The following NRXN3 variants were observed in gnomAD, a reference collection of about 807,000 sequenced individuals.
NRXN3 encodes the protein neurexin III.
A neutral mutation model predicts 137.6 loss-of-function variants in NRXN3; 32 were observed. That is an observed-to-expected ratio of 0.23 (90% confidence interval 0.18 to 0.31). NRXN3 has a LOEUF of 0.31. Among genes scored for constraint, NRXN3 ranks in the 10% least tolerant of loss-of-function variants. NRXN3 has a pLI of 1.00. For synonymous variants in NRXN3, 798 were observed against 784.5 expected (o/e 1.02, Z -0.29); for missense variants, 1,574 against 2,062.5 (o/e 0.76, Z 4.59).
chr14:79,285,502 C>G (rs920052090), intron 15 of NRXN3, among the ~76,000 whole-genome samples: 1 of 152,254 alleles, frequency 6.6e-6, no homozygotes, highest in Non-Finnish European at 1.5e-5. Context: ...TTGCTCAAGG[C>G]TCTGTAGAGT....
At chr14:78,765,821 C>T (rs1300596992) in intron 8 of NRXN3, among the ~76,000 whole-genome samples, 3 of 152,070 alleles carry the variant, frequency 2.0e-5, no homozygotes, top group African/African-American at 7.2e-5. Flanking sequence ...TGGCTAAGGC[C>T]ACCTGGATTT....
chr14:78,928,230 AC>A (rs1293421728), intron 10 of NRXN3, among the ~76,000 whole-genome samples: 1 of 152,034 alleles, frequency 6.6e-6, no homozygotes, highest in Non-Finnish European at 1.5e-5. Flanking sequence ...TTTAGGAGGA[AC>A]CCCAGGCAAA....
At chr14:79,529,208 G>A (rs1163645367) in intron 16 of NRXN3, among the ~76,000 whole-genome samples, 2 of 152,162 alleles carry the variant, frequency 1.3e-5, no homozygotes, top group Non-Finnish European at 2.9e-5. Flanking sequence ...TGAAAGGGTG[G>A]TGATTGATTT....
At chr14:79,144,723 G>A (rs934323880) in intron 15 of NRXN3, among the ~76,000 whole-genome samples, 7 of 152,072 alleles carry the variant, frequency 4.6e-5, no homozygotes, top group Non-Finnish European at 5.9e-5. Flanking sequence ...ATGACTTCAC[G>A]TTTATCCTGA....
intron 8 of NRXN3, among the ~76,000 whole-genome samples, chr14:78,742,086 G>A (rs918937024): frequency 2.0e-5 from 3 of 152,064 alleles, no homozygotes; most frequent in South Asian, 2.1e-4. Flanking sequence ...TTGTTTCCTC[G>A]CATTACTCTC....
intron 4 of NRXN3, among the ~76,000 whole-genome samples, chr14:78,607,078 A>G (rs79954324): frequency 0.014 from 2,098 of 152,236 alleles, 44 homozygotes; most frequent in African/African-American, 0.048. Context: ...AGCTGAGGGC[A>G]TTGTAAGTTT....
intron 6 of NRXN3, among the ~76,000 whole-genome samples, chr14:78,652,984 C>A (rs1271110938): frequency 6.6e-6 from 1 of 152,174 alleles, no homozygotes; most frequent in African/African-American, 2.4e-5. Context: ...AGGTGGAAGT[C>A]AGTTTTAGAG....
intron 8 of NRXN3, among the ~76,000 whole-genome samples, chr14:78,728,588 G>A (rs1235007140): frequency 6.6e-6 from 1 of 152,174 alleles, no homozygotes; most frequent in African/African-American, 2.4e-5. Flanking sequence ...TTTGGAGTCA[G>A]ACAAAACTGG....
intron 16 of NRXN3, among the ~76,000 whole-genome samples, chr14:79,622,276 C>T (rs2098232525): frequency 6.6e-6 from 1 of 152,088 alleles, no homozygotes; most frequent in Non-Finnish European, 1.5e-5. Flanking sequence ...TAGAAGTGAT[C>T]CTTTTGTCAG....
intron 15 of NRXN3, among the ~76,000 whole-genome samples, chr14:79,276,258 A>G (rs528295437): frequency 1.6e-3 from 247 of 152,332 alleles, no homozygotes; most frequent in Non-Finnish European, 2.6e-3. Flanking sequence ...AGAAGTCGAA[A>G]TAGGAATGTG....
chr14:78,772,506 T>C (rs777064553), intron 8 of NRXN3, among the ~76,000 whole-genome samples: 1 of 152,150 alleles, frequency 6.6e-6, no homozygotes, highest in Non-Finnish European at 1.5e-5. Context: ...AATCCAACTA[T>C]CTGCTAATAA....
chr14:78,238,043 GA>G (rs1397041641), intron 1 of NRXN3, among the ~76,000 whole-genome samples: 1 of 152,024 alleles, frequency 6.6e-6, no homozygotes, highest in Non-Finnish European at 1.5e-5. Context: ...GAAAAGGGAG[GA>G]ATGAAATTGG....
At chr14:79,859,783 C>T (rs1351449737) in intron 20 of NRXN3, among the ~76,000 whole-genome samples, 1 of 152,188 alleles carries the variant, frequency 6.6e-6, no homozygotes. Context: ...AGGCCTTCAA[C>T]AATAACGTCA....
intron 8 of NRXN3, among the ~76,000 whole-genome samples, chr14:78,739,805 G>A (rs1379187492): frequency 5.9e-5 from 9 of 152,140 alleles, no homozygotes; most frequent in East Asian, 1.9e-4. Flanking sequence ...TGGAGGAAGG[G>A]ATACAATTAC....
intron 9 of NRXN3, among the ~76,000 whole-genome samples, chr14:78,805,170 T>A (rs2098855412): frequency 6.6e-6 from 1 of 152,162 alleles, no homozygotes; most frequent in African/African-American, 2.4e-5. Context: ...ATGTCTTTTT[T>A]TTTTCTTCTA....
intron 6 of NRXN3, among the ~76,000 whole-genome samples, chr14:78,690,478 G>A (rs2098161844): frequency 6.6e-6 from 1 of 152,122 alleles, no homozygotes; most frequent in Non-Finnish European, 1.5e-5. Context: ...GTACACATAT[G>A]TTTACATGTG....
At chr14:79,369,469 A>G (rs1477387431) in intron 15 of NRXN3, among the ~76,000 whole-genome samples, 1 of 152,242 alleles carries the variant, frequency 6.6e-6, no homozygotes, top group African/African-American at 2.4e-5. Flanking sequence ...TTAGGTACTT[A>G]GAAAAGTCGA....
intron 1 of NRXN3, among the ~76,000 whole-genome samples, chr14:78,210,538 T>C (rs890369782): frequency 6.6e-6 from 1 of 152,192 alleles, no homozygotes. Flanking sequence ...CCATGTACAA[T>C]AAAGTACCTC....
chr14:79,072,359 T>C (rs577438362), intron 15 of NRXN3: 2 of 152,304 alleles, frequency 1.3e-5, no homozygotes, highest in African/African-American at 4.8e-5. Context: ...TGGTTAACAG[T>C]GGTGTCCTGA....
Sources: gnomAD v4.1 joint callset for allele counts (sites outside exome capture counted in the v4.1 genomes callset) on GRCh38, gnomAD v4.1.1 for gene constraint, MANE v1.5 for transcripts, NCBI Gene and HGNC (gene_info 2026-07-23, HGNC 2026-07-21) for gene names.